The following PHKA2 variants were observed in gnomAD, a reference collection of about 807,000 sequenced individuals.
PHKA2 encodes the protein phosphorylase kinase regulatory subunit alpha 2, also known as phosphorylase b kinase regulatory subunit alpha, liver isoform.
Under a neutral mutation model 102.0 loss-of-function variants are expected in PHKA2, and 31 were observed. The observed-to-expected ratio is 0.30, with a 90% CI of 0.23 to 0.41. The LOEUF is 0.41. Ranked by LOEUF, PHKA2 falls within the 10% of genes least tolerant of loss-of-function variation. The pLI is 1.00. For missense variants in PHKA2, 858 were observed against 1,023.1 expected, an observed-to-expected ratio of 0.84 and a Z score of 2.20; for synonymous variants, 455 against 416.2, an observed-to-expected ratio of 1.09 and a Z score of -1.13.
In PHKA2 at chrX:18,918,977, T is replaced by C. The variant is rs45549633; in HGVS notation, c.1964-123A>G. On this transcript the variant is annotated intron_variant, in intron 18 of 32. Transcript: ENST00000379942. ...CTTAGCAGATGACAACACTGAGATA[T>C]CGATATTTGCACTCCCACTCACCCC... The C allele has an allele frequency of 8.7e-3, 5,052 of 578,494 alleles. 19 individuals are homozygous for C. Among genetic ancestry groups the C allele is most frequent in the Middle Eastern group, 0.022 (55 of 2,508 alleles). The allele number at this position is 578,494 out of a possible 1,213,427, so 47.7% of individuals were successfully genotyped here.
chrX:18,948,872 C>T, intron 4 of PHKA2, 46 bp from the exon 5 acceptor site: 2 of 835,526 alleles, frequency 2.4e-6, no homozygotes, highest in Non-Finnish European at 3.6e-6. Context: ...TTGCAGAGAG[C>T]TGCCAGTCAC....
Position 18,926,322 on chromosome X carries a change from G to T in PHKA2, c.1459+131C>A, listed in dbSNP as rs781299391. 5.5e-5 allele frequency: 32 copies of T among 584,483 alleles called. No homozygotes were observed. The South Asian group carries it at 6.7e-4, about 12-fold the overall frequency. 48.2% of individuals were successfully genotyped at this position (584,483 alleles called of 1,213,427 possible). A position where few individuals can be genotyped will look rare whatever the true frequency, so the allele number is the denominator to read the frequency against. On this transcript the variant is annotated intron_variant, in intron 14 of 32. Transcript: ENST00000379942. ...TGCCCGTTCCTCTTCACATCGAAGCGGTGGAACCGCCTGCTTTAGTTTTTG... is the reference window on the plus strand; with the variant it reads ...TGCCCGTTCCTCTTCACATCGAAGCTGTGGAACCGCCTGCTTTAGTTTTTG...
rs142314331 is a variant in PHKA2, at chrX:18,899,205, C to T, written c.3079G>A (p.Ala1027Thr). ...DEQFFSVGQA[A>T]SSSAHSSKSA... ...TTGGAGGAATGCGCACTGCTGGACGCGGCCTGGCCCACAGAAAAGAACTAC... is the reference window on the plus strand; with the variant it reads ...TTGGAGGAATGCGCACTGCTGGACGTGGCCTGGCCCACAGAAAAGAACTAC... The change falls in exon 29 of 33, where the codon GCG becomes ACG. Residue 1027 changes from alanine (A) to threonine (T), a missense_variant. Ala to Thr is a moderately conservative substitution (Grantham distance 58). This residue lies in a region of PHKA2 where 671 missense variants were observed against 745.2 expected (regional missense o/e 0.90). Transcript: ENST00000379942. 2.2e-5 allele frequency: 26 copies of T among 1,207,873 alleles called. No individual in the cohort carries two copies. In the East Asian group the frequency reaches 2.7e-4, roughly 12 times the overall value.
At chrX:18,939,290 C>T (rs773667903) in intron 9 of PHKA2, among the ~76,000 whole-genome samples, 1 of 111,302 alleles carries the variant, frequency 9.0e-6, no homozygotes, top group Admixed American at 9.5e-5. Flanking sequence ...ATCCTACCAC[C>T]TCAGCCTCCT....
chrX:18,899,145 G>C (rs1214969633), intron 29 of PHKA2, 28 bp downstream of exon 29: 1 of 1,178,712 alleles, frequency 8.5e-7, no homozygotes, highest in East Asian at 3.0e-5. Context: ...GAGCGGGGAC[G>C]GACACAATAA....
intron 22 of PHKA2, 110 bp from the exon 23 acceptor site, chrX:18,907,207 T>C (rs2047837033): frequency 1.7e-6 from 1 of 603,609 alleles, no homozygotes; most frequent in Non-Finnish European, 2.8e-6. Context: ...ACATTTACCT[T>C]TACAAACTTA....
intron 1 of PHKA2, among the ~76,000 whole-genome samples, chrX:18,975,090 T>G (rs1184798553): frequency 1.8e-5 from 2 of 111,188 alleles, no homozygotes; most frequent in Admixed American, 1.9e-4. Context: ...ACCTCTCCCC[T>G]AACTTCTAGA....
At chrX:18,982,228 A>G (rs1311986805) in intron 1 of PHKA2, among the ~76,000 whole-genome samples, 1 of 111,639 alleles carries the variant, frequency 9.0e-6, no homozygotes, top group Non-Finnish European at 1.9e-5. Flanking sequence ...CAAAATAAAG[A>G]CCATCATCCT....
rs1177492819 is a variant in PHKA2 at position 18,893,573 on chromosome X, C to G, written c.3620G>C (p.Gly1207Ala). The G allele has an allele frequency of 8.3e-7, 1 of 1,210,832 alleles. No individual in the cohort carries two copies. The highest frequency in any genetic ancestry group is 1.1e-6 in the Non-Finnish European group (1 of 894,522). ...CHFFYDSAPS[G>A]AYGTMTYLTR... ...TAGGTAGGTCATCGTCCCATAAGCC[C>G]CACTCGGAGCGCTGTCATAAAAGAA... Residue 1207 changes from glycine to alanine, a missense_variant, in exon 33 of 33, where the codon GGG becomes GCG. Coordinates refer to ENST00000379942, the MANE Select transcript of PHKA2 (RefSeq NM_000292.3).
rs763772141 is a variant in PHKA2 at position 18,908,934 on chromosome X, C to A, written c.2227G>T (p.Val743Phe). Reference sequence around the variant, plus strand: ...GGCCACTGAAAGTCACTTTCAGGAACCTGTTCATACAAGAGCCAGAAAGCA... The same window carrying A: ...GGCCACTGAAAGTCACTTTCAGGAAACTGTTCATACAAGAGCCAGAAAGCA... ...VDSPQPLLEK[V>F]PESDFQWPRD... The change falls in exon 21 of 33, where the codon GTT becomes TTT. Residue 743 changes from valine (V) to phenylalanine (F), a missense_variant and splice_region_variant. Coordinates refer to ENST00000379942, the MANE Select transcript of PHKA2 (RefSeq NM_000292.3). The A allele has an allele frequency of 2.5e-6, 3 of 1,208,906 alleles. No individual in the cohort carries two copies. Among genetic ancestry groups the A allele is most frequent in the Non-Finnish European group, 3.4e-6 (3 of 894,372 alleles).
chrX:18,897,203 G>T lies in PHKA2; in HGVS notation c.3242C>A (p.Pro1081His). Residue 1081 changes from proline to histidine, a missense_variant, in exon 30 of 33, where the codon CCC (proline) becomes CAC (histidine). Physicochemically the swap from Pro to His is moderately conservative, Grantham distance 77. Transcript: ENST00000379942. ...RRLDGAINRV[P>H]VGFYQRVWKI... Reference sequence around the variant, plus strand: ...CCACACCCTCTGGTAGAATCCCACGGGGACCCTGTTGATGGCCCCATCCAG... The same window carrying T: ...CCACACCCTCTGGTAGAATCCCACGTGGACCCTGTTGATGGCCCCATCCAG... The T allele has an allele frequency of 8.3e-7, 1 of 1,211,582 alleles. No individual in the cohort carries two copies. Among genetic ancestry groups the T allele is most frequent in the Non-Finnish European group, 1.1e-6 (1 of 895,478 alleles).
rs999950954 is a variant in PHKA2 at position 18,931,514 on chromosome X, A to G, written c.1245+127T>C. 5 of 570,403 alleles carry G rather than the reference A, an allele frequency of 8.8e-6. No homozygotes were observed. In the African/African-American group the frequency reaches 9.0e-5, roughly 10 times the overall value. The allele number at this position is 570,403 out of a possible 1,213,427, so 47.0% of individuals were successfully genotyped here. On this transcript the variant is annotated intron_variant, in intron 12 of 32. Coordinates refer to ENST00000379942, the MANE Select transcript of PHKA2 (RefSeq NM_000292.3). ...CCCCGGAGCCAACACGGTCCAGTTGACCTTAAACGAATGAAGATGCAAAAG... is the reference window on the plus strand; with the variant it reads ...CCCCGGAGCCAACACGGTCCAGTTGGCCTTAAACGAATGAAGATGCAAAAG...
chrX:18,907,214 C>T (rs1387343047), intron 22 of PHKA2, 117 bp from the exon 23 acceptor site: 1 of 580,710 alleles, frequency 1.7e-6, no homozygotes. Flanking sequence ...CCTTTACAAA[C>T]TTAGTGACCC....
chrX:18,894,099 G>C (rs1054664102), intron 32 of PHKA2, 105 bp downstream of exon 32: 4 of 763,332 alleles, frequency 5.2e-6, no homozygotes, highest in Non-Finnish European at 8.0e-6. Flanking sequence ...CCCATCATCT[G>C]TGATGACATT....
intron 28 of PHKA2, 115 bp from the exon 29 acceptor site, chrX:18,899,341 C>T (rs1342944715): frequency 3.0e-5 from 19 of 638,731 alleles, no homozygotes; most frequent in African/African-American, 1.5e-4. Context: ...GCAGAGAATG[C>T]GGGCGCAGAG....
intron 1 of PHKA2, among the ~76,000 whole-genome samples, chrX:18,968,398 A>G (rs749251154): frequency 9.3e-6 from 1 of 107,878 alleles, no homozygotes; most frequent in African/African-American, 3.6e-5. Flanking sequence ...AAGTATATGA[A>G]GAAAATCCAG....
chrX:18,927,481 G>A (rs1013042689), intron 13 of PHKA2, among the ~76,000 whole-genome samples: 64 of 112,364 alleles, frequency 5.7e-4, no homozygotes, highest in African/African-American at 2.0e-3. Flanking sequence ...CCTGGAAGCT[G>A]CAGAGGCTCA....
intron 1 of PHKA2, among the ~76,000 whole-genome samples, chrX:18,969,086 C>G (rs1198670268): frequency 9.1e-6 from 1 of 109,356 alleles, no homozygotes; most frequent in African/African-American, 3.3e-5. Context: ...GCACTCCAGC[C>G]TGGGCAACAA....
chrX:18,983,088 G>A (rs967282111), intron 1 of PHKA2, among the ~76,000 whole-genome samples: 1 of 112,091 alleles, frequency 8.9e-6, no homozygotes, highest in Non-Finnish European at 1.9e-5. Context: ...TCTAACCCCT[G>A]AATGCCACTT....
Sources: gnomAD v4.1 joint callset for allele counts (sites outside exome capture counted in the v4.1 genomes callset) on GRCh38, gnomAD v4.1.1 for gene constraint, gnomAD v4.1.1 regional missense constraint, MANE v1.5 for transcripts, NCBI Gene and HGNC (gene_info 2026-07-23, HGNC 2026-07-21) for gene names.